The following MAML2 variants were observed in gnomAD, a reference collection of about 807,000 sequenced individuals.
MAML2 encodes mastermind-like protein 2.
In MAML2, 22 loss-of-function variants were observed where a neutral mutation model predicts 96.1. That is an observed-to-expected ratio of 0.23 (90% CI 0.16 to 0.33). MAML2 has a LOEUF of 0.33. Ranked by LOEUF, MAML2 falls within the 10% of genes least tolerant of loss-of-function variation. The pLI, the probability that MAML2 is intolerant of heterozygous loss-of-function variation, is 1.00. For missense variants in MAML2, 1,367 were observed against 1,392.4 expected, an observed-to-expected ratio of 0.98 and a Z score of 0.29; for synonymous variants, 561 against 521.3, an observed-to-expected ratio of 1.08 and a Z score of -1.04.
chr11:96,285,521 A>G (rs1177925992), intron 1 of MAML2, among the ~76,000 whole-genome samples: 2 of 152,238 alleles, frequency 1.3e-5, no homozygotes, highest in African/African-American at 2.4e-5. Context: ...AGAAACTATC[A>G]TCAGAGTGAA....
At chr11:96,242,580 T>G (rs12225490) in intron 1 of MAML2, among the ~76,000 whole-genome samples, 1 of 151,728 alleles carries the variant, frequency 6.6e-6, no homozygotes, top group Non-Finnish European at 1.5e-5. Context: ...AACTTTAGTT[T>G]CTGCAGGCTG....
intron 1 of MAML2, among the ~76,000 whole-genome samples, chr11:96,303,988 TG>T (rs1435291669): frequency 1.3e-5 from 2 of 152,200 alleles, no homozygotes; most frequent in Non-Finnish European, 2.9e-5. Context: ...AGCAAGGAAG[TG>T]GGTGCCAGGA....
chr11:96,160,884 G>A (rs1861093808), intron 1 of MAML2, among the ~76,000 whole-genome samples: 1 of 152,158 alleles, frequency 6.6e-6, no homozygotes. Context: ...TGCGCACTTG[G>A]GTGAGAGCAC....
chr11:96,119,416 G>A lies in MAML2; in HGVS notation c.514-25899C>T, dbSNP rs1371980423. On this transcript the variant is annotated intron_variant, in intron 1 of 4. Transcript: ENST00000524717. ...GGCACACAGGCAGCCTTTCAAAGCT[G>A]GAACAGACCTGGAAACAGGTTGTCC... 2.6e-5 allele frequency among the ~76,000 whole-genome samples: 4 copies of A among 152,306 alleles called. No homozygotes were observed. The East Asian group carries it at 5.8e-4, about 22-fold the overall frequency.
At position 96,093,119 on chromosome 11, in the gene MAML2, A is replaced by G. The variant is rs371879923; in HGVS notation, c.912T>C (p.Pro304=). 17 of 1,614,004 alleles carry G rather than the reference A, an allele frequency of 1.1e-5. No homozygotes were observed. The highest frequency in any genetic ancestry group is 1.4e-5 in the Non-Finnish European group (16 of 1,179,882). The change falls in exon 2 of 5, where the codon CCT becomes CCC. Residue 304 remains proline (P), a synonymous_variant. Transcript: ENST00000524717. ...GTTCATTGAACAGTTCCTGCAGCTC[A>G]GGATCCATCAGTTGTTCTCCAGGGT... is the stretch of plus-strand genomic sequence containing the variant. ...GDDPGEQLMD[P]ELQELFNELT...
At chr11:96,051,501 G>T (rs1858990478) in intron 2 of MAML2, among the ~76,000 whole-genome samples, 1 of 151,970 alleles carries the variant, frequency 6.6e-6, no homozygotes. Flanking sequence ...TAAATTTGAG[G>T]CATGCAGAAG....
chr11:96,341,074 G>C (rs1863986306), intron 1 of MAML2, among the ~76,000 whole-genome samples: 1 of 152,140 alleles, frequency 6.6e-6, no homozygotes. Flanking sequence ...TTCCTCAGTG[G>C]CTCAGATCTT....
intron 1 of MAML2, among the ~76,000 whole-genome samples, chr11:96,099,947 T>A (rs1330796859): frequency 1.1e-4 from 16 of 152,164 alleles, no homozygotes; most frequent in Admixed American, 1.0e-3. Context: ...TGCCCATTGA[T>A]TATTTTCCTT....
intron 2 of MAML2, among the ~76,000 whole-genome samples, chr11:96,013,448 A>G (rs1048294170): frequency 6.6e-6 from 1 of 152,040 alleles, no homozygotes; most frequent in African/African-American, 2.4e-5. Flanking sequence ...TTTAAATGAC[A>G]TGGAATGGGG....
In MAML2 at chr11:96,186,811, T is replaced by A. The variant is rs368711111; in HGVS notation, c.514-93294A>T. Among the ~76,000 whole-genome samples the A allele has an allele frequency of 9.2e-5, 14 of 152,178 alleles. 1 individual carries two copies. Among genetic ancestry groups the A allele is most frequent in the Admixed American group, 9.2e-4 (14 of 15,274 alleles). The stretch of plus-strand genomic sequence containing the variant: ...TGTTAGAGTGGCAGTTTGAACCCAA[T>A]AGCCCCTGGCTTTAGAGCCGGGCCC... On this transcript the variant is annotated intron_variant, in intron 1 of 4. Coordinates refer to ENST00000524717, the MANE Select transcript of MAML2 (RefSeq NM_032427.4).
chr11:96,220,298 C>T (rs1352209821), intron 1 of MAML2, among the ~76,000 whole-genome samples: 8 of 152,172 alleles, frequency 5.3e-5, no homozygotes, highest in Middle Eastern at 6.8e-3. Flanking sequence ...CTCCTTTAAA[C>T]CTGCAGATTT....
chr11:96,227,807 T>C (rs1862236366), intron 1 of MAML2, among the ~76,000 whole-genome samples: 2 of 152,184 alleles, frequency 1.3e-5, no homozygotes, highest in African/African-American at 2.4e-5. Context: ...TCGAATGAAA[T>C]CATTACAAAC....
At chr11:96,113,826 T>G (rs946913311) in intron 1 of MAML2, among the ~76,000 whole-genome samples, 4 of 152,114 alleles carry the variant, frequency 2.6e-5, no homozygotes, top group Non-Finnish European at 4.4e-5. Flanking sequence ...TTGAAACCAC[T>G]GAAAGCATAT....
At chr11:96,291,899 G>A (rs902202886) in intron 1 of MAML2, among the ~76,000 whole-genome samples, 3 of 152,260 alleles carry the variant, frequency 2.0e-5, no homozygotes, top group African/African-American at 7.2e-5. Flanking sequence ...GCTGGACTCT[G>A]GGGTGGCTGT....
chr11:95,996,323 C>G (rs184732884), intron 2 of MAML2, among the ~76,000 whole-genome samples: 1 of 152,128 alleles, frequency 6.6e-6, no homozygotes, highest in Admixed American at 6.6e-5. Context: ...GGAAAACCAA[C>G]CTTTTCTAAG....
intron 1 of MAML2, among the ~76,000 whole-genome samples, chr11:96,100,686 T>C (rs889642140): frequency 9.9e-5 from 15 of 152,036 alleles, no homozygotes; most frequent in African/African-American, 3.4e-4. Flanking sequence ...CATAACTTTG[T>C]TCCATAAGGT....
chr11:96,062,641 T>TA (rs1408478633), intron 2 of MAML2, among the ~76,000 whole-genome samples: 2 of 152,220 alleles, frequency 1.3e-5, no homozygotes, highest in Non-Finnish European at 2.9e-5. Context: ...CTGCTAATTT[T>TA]ACCTCTTAGA....
In MAML2 at chr11:96,026,823, A is replaced by T. The variant is rs1009231266; in HGVS notation, c.2140-35100T>A. ...TGGTCCCAGCATTGCTATGGGGTTA[A>T]AAAAAAAAAAAAAAGGTATCTTATA... On this transcript the variant is annotated intron_variant, in intron 2 of 4. Coordinates refer to ENST00000524717, the MANE Select transcript of MAML2 (RefSeq NM_032427.4). Among the ~76,000 whole-genome samples the T allele has an allele frequency of 5.3e-3, 63 of 11,874 alleles. 1 individual carries two copies. Among genetic ancestry groups the T allele is most frequent in the African/African-American group, 0.017 (58 of 3,462 alleles). The allele number at this position is 11,874 out of a possible 152,430, so 7.8% of individuals were successfully genotyped here.
At chr11:96,180,829 C>T (rs1295869107) in intron 1 of MAML2, among the ~76,000 whole-genome samples, 3 of 151,844 alleles carry the variant, frequency 2.0e-5, no homozygotes, top group Non-Finnish European at 2.9e-5. Context: ...GGGCTGAGTC[C>T]GAAAAGAGTC....
Sources: allele counts gnomAD v4.1 joint callset (sites outside exome capture counted in the v4.1 genomes callset), GRCh38; gene constraint gnomAD v4.1.1; transcripts MANE v1.5; gene names NCBI Gene and HGNC (gene_info 2026-07-23, HGNC 2026-07-21).